MUC5B: variants seen among roughly 807,000 people sequenced by gnomAD.
The protein encoded by MUC5B is mucin 5B, oligomeric mucus/gel-forming.
Under a neutral mutation model 376.9 loss-of-function variants are expected in MUC5B, and 116 were observed. The observed-to-expected ratio is 0.31, with a 90% CI of 0.26 to 0.36. MUC5B has a LOEUF of 0.36. MUC5B is among the 10% of genes least tolerant of loss of function. The pLI, the probability that MUC5B is intolerant of heterozygous loss-of-function variation, is 1.00. For missense variants in MUC5B, 7,165 were observed against 7,769.9 expected (o/e 0.92, Z 2.93); for synonymous variants, 3,517 against 3,390.9 (o/e 1.04, Z -1.29).
chr11:1,225,514 G>A (rs552716395), intron 1 of MUC5B, among the ~76,000 whole-genome samples, 167 bp from the exon 2 acceptor site: 1 of 152,318 alleles, frequency 6.6e-6, no homozygotes, highest in East Asian at 1.9e-4. Context: ...GAGGAGTCCC[G>A]GCCTTGGCCA....
chr11:1,231,407 C>A lies in MUC5B; in HGVS notation c.1541-16C>A. ...CCCTGCACCCCTGACCGGCCTCTCC[C>A]CCACACTCCCGGCAGCCAACATCAC... is the stretch of plus-strand genomic sequence containing the variant. On this transcript the variant is annotated splice_polypyrimidine_tract_variant and intron_variant, in intron 13 of 48. Transcript: ENST00000529681. The A allele has an allele frequency of 6.2e-7, 1 of 1,603,088 alleles. No homozygotes were observed. Among genetic ancestry groups the A allele is most frequent in the South Asian group, 1.1e-5 (1 of 89,790 alleles).
In MUC5B at chr11:1,248,530, G is replaced by T; in HGVS notation, c.11650G>T (p.Ala3884Ser). 1 of 1,612,794 alleles carries T rather than the reference G, an allele frequency of 6.2e-7. No homozygotes were observed. The highest frequency in any genetic ancestry group is 1.1e-5 in the South Asian group (1 of 91,014). The change falls in exon 31 of 49, where the codon GCA (alanine) becomes TCA (serine). Residue 3884 changes from alanine to serine, a missense_variant. Ala to Ser is a moderately conservative substitution (Grantham distance 99, BLOSUM62 1). Transcript: ENST00000529681. Reference sequence around the variant, plus strand: ...CACCCCCTCCTCCAGCCCAGGGACGGCACGCACGCCTCCAGTGTGGATCAG... The same window carrying T: ...CACCCCCTCCTCCAGCCCAGGGACGTCACGCACGCCTCCAGTGTGGATCAG... ...TVTPSSSPGT[A>S]RTPPVWISTT...
At position 1,245,090 on chromosome 11, in the gene MUC5B, C is replaced by T; in HGVS notation, c.8210C>T (p.Ser2737Phe). ...ACCAGCAGCACAGTGACTCCCTCCT[C>T]TGCCCTAGGGACCACCCACACACCC... is the stretch of plus-strand genomic sequence containing the variant. ...AATSSTVTPS[S>F]ALGTTHTPPV... is the part of the protein sequence containing the mutation. Residue 2737 changes from serine to phenylalanine, a missense_variant, in exon 31 of 49, where the codon TCT (serine) becomes TTT (phenylalanine). Coordinates refer to ENST00000529681, the MANE Select transcript of MUC5B (RefSeq NM_002458.3). 2 of 1,542,374 alleles carry T rather than the reference C, an allele frequency of 1.3e-6. No homozygotes were observed. The highest frequency in any genetic ancestry group is 1.8e-6 in the Non-Finnish European group (2 of 1,142,474).
Position 1,257,967 on chromosome 11 carries a change from C to A in MUC5B, c.16451-132C>A. On this transcript the variant is annotated intron_variant, in intron 41 of 48. Coordinates refer to ENST00000529681, the MANE Select transcript of MUC5B (RefSeq NM_002458.3). This position sits in a 1 kb window ranked among gnomAD's most constrained non-coding sequence, Gnocchi z 8.9. Reference sequence around the variant, plus strand: ...GCGGGGAGGTGGCCAAGCAAGGGGCCTGGAGGGAGCCCCCAGGGGCTGTGA... The same window carrying A: ...GCGGGGAGGTGGCCAAGCAAGGGGCATGGAGGGAGCCCCCAGGGGCTGTGA... The A allele has an allele frequency of 9.8e-7, 1 of 1,023,808 alleles. No individual in the cohort carries two copies. Among genetic ancestry groups the A allele is most frequent in the Non-Finnish European group, 1.4e-6 (1 of 695,958 alleles). The allele number at this position is 1,023,808 out of a possible 1,614,324, so 63.4% of individuals were successfully genotyped here.
At position 1,242,539 on chromosome 11, in the gene MUC5B, A is replaced by G; in HGVS notation, c.5659A>G (p.Ser1887Gly). ...CTGTGACGACTACAGCCACTGCCCC[A>G]GTACCCCAGCCACCAGCTCCACGGC... ...LCCDDYSHCP[S>G]TPATSSTATP... The change falls in exon 31 of 49, where the codon AGT (serine) becomes GGT (glycine). Residue 1887 changes from serine to glycine, a missense_variant. Transcript: ENST00000529681. 1.2e-6 allele frequency: 2 copies of G among 1,613,804 alleles called. No individual in the cohort carries two copies. Among genetic ancestry groups the G allele is most frequent in the South Asian group, 1.1e-5 (1 of 91,084 alleles).
In MUC5B at chr11:1,251,409, G is replaced by A; in HGVS notation, c.14529G>A (p.Gly4843=). The A allele has an allele frequency of 1.2e-6, 2 of 1,612,562 alleles. No homozygotes were observed. The highest frequency in any genetic ancestry group is 1.3e-5 in the African/African-American group (1 of 74,952). The change falls in exon 31 of 49, where the codon GGG becomes GGA. Residue 4843 remains glycine, a synonymous_variant. Coordinates refer to ENST00000529681, the MANE Select transcript of MUC5B (RefSeq NM_002458.3). ...CGGCCACCCTGTCCTCCACCCCAGG[G>A]ACCACCTGGATCCTCACAGAGCCGA... is the stretch of plus-strand genomic sequence containing the variant. The part of the protein sequence containing the change: ...GSTATLSSTP[G]TTWILTEPST...
At chr11:1,237,554 G>A (rs892597098) in intron 25 of MUC5B, among the ~76,000 whole-genome samples, 3 of 152,188 alleles carry the variant, frequency 2.0e-5, no homozygotes, top group African/African-American at 7.2e-5. Flanking sequence ...TCAGAGATCT[G>A]CCCTAAGCAG....
rs1861885575 is a variant in MUC5B, at chr11:1,226,549, G to A, written c.200-66G>A. 11 of 1,536,528 alleles carry A rather than the reference G, an allele frequency of 7.2e-6. 1 individual carries two copies. The highest frequency in any genetic ancestry group is 3.4e-4 in the Middle Eastern group (2 of 5,798). ...TCCATTCCAAAAACCAGGGTGCCTC[G>A]GCCCAGGGGAGGCTACCCCGTGGGG... is the stretch of plus-strand genomic sequence containing the variant. On this transcript the variant is annotated intron_variant, in intron 3 of 48. Coordinates refer to ENST00000529681, the MANE Select transcript of MUC5B (RefSeq NM_002458.3).
intron 1 of MUC5B, among the ~76,000 whole-genome samples, chr11:1,224,738 G>T (rs891753811): frequency 2.6e-4 from 39 of 152,268 alleles, no homozygotes; most frequent in Admixed American, 1.2e-3. Flanking sequence ...TGGATCTCTG[G>T]AGGCGGCCCC....
Position 1,256,726 on chromosome 11 carries a change from C to A in MUC5B, c.16192C>A (p.Gln5398Lys). The A allele has an allele frequency of 6.4e-7, 1 of 1,560,156 alleles. No homozygotes were observed. The highest frequency in any genetic ancestry group is 8.7e-7 in the Non-Finnish European group (1 of 1,154,826). ...MAEGCFCPED[Q>K]ILFNAHMGIC... The stretch of plus-strand genomic sequence containing the variant: ...GGAGGGCTGCTTCTGCCCTGAGGAC[C>A]AGATCCTCTTCAACGCACACATGGG... The change falls in exon 39 of 49, where the codon CAG becomes AAG. Residue 5398 changes from glutamine to lysine, a missense_variant. Physicochemically the swap from Gln to Lys is moderately conservative, Grantham distance 53. Coordinates refer to ENST00000529681, the MANE Select transcript of MUC5B (RefSeq NM_002458.3).
At position 1,242,296 on chromosome 11, in the gene MUC5B, G is replaced by A. The variant is rs750335595; in HGVS notation, c.5416G>A (p.Gly1806Arg). Residue 1806 changes from glycine (G) to arginine (R), a missense_variant, in exon 31 of 49, where the codon GGG (glycine) becomes AGG (arginine). Gly to Arg is a moderately radical substitution (Grantham distance 125). Coordinates refer to ENST00000529681, the MANE Select transcript of MUC5B (RefSeq NM_002458.3). ...CTTCCCAACCTCAGGGGTTGCAGGCGGGGACATGGAAACTTTTGAAAACAT... is the reference window on the plus strand; with the variant it reads ...CTTCCCAACCTCAGGGGTTGCAGGCAGGGACATGGAAACTTTTGAAAACAT... ...VDFPTSGVAGGDMETFENIRA... is the reference protein window; with the variant it reads ...VDFPTSGVAGRDMETFENIRA... The A allele has an allele frequency of 1.8e-5, 29 of 1,613,768 alleles. No homozygotes were observed. The highest frequency in any genetic ancestry group is 1.5e-4 in the Admixed American group (9 of 59,988).
At chr11:1,236,802 G>A in intron 24 of MUC5B, 123 bp from the exon 25 acceptor site, 1 of 1,280,940 alleles carries the variant, frequency 7.8e-7, no homozygotes, top group Non-Finnish European at 1.0e-6. Context: ...GGCACTGCCT[G>A]GGGAACCGGC....
chr11:1,234,567 G>C lies in MUC5B; in HGVS notation c.2517G>C (p.Pro839=). ...GCGTGTCCGGCTGTGTCTGTCCCCC[G>C]GGGCTGGTGTCGGATGGGAGTGGGG... ...THCVSGCVCP[P]GLVSDGSGGC... Residue 839 remains proline, a synonymous_variant, in exon 21 of 49, where the codon CCG becomes CCC. Coordinates refer to ENST00000529681, the MANE Select transcript of MUC5B (RefSeq NM_002458.3). The surrounding 1 kb of genome is among the most constrained non-coding windows in gnomAD (Gnocchi z 6.3). 1 of 1,581,730 alleles carries C rather than the reference G, an allele frequency of 6.3e-7. No individual in the cohort carries two copies. The highest frequency in any genetic ancestry group is 8.6e-7 in the Non-Finnish European group (1 of 1,164,682).
At position 1,253,090 on chromosome 11, in the gene MUC5B, G is replaced by T; in HGVS notation, c.15217+110G>T. The T allele has an allele frequency of 2.0e-5, 17 of 858,230 alleles. No homozygotes were observed. The highest frequency in any genetic ancestry group is 1.0e-4 in the East Asian group (2 of 19,524). The allele number at this position is 858,230 out of a possible 1,614,324, so 53.2% of individuals were successfully genotyped here. ...GTGGGGCACAGTGGGGTGCAGTGGG[G>T]AATGGTGGGGCATGGTGGGGCATGG... is the stretch of plus-strand genomic sequence containing the variant. On this transcript the variant is annotated intron_variant, in intron 33 of 48. Transcript: ENST00000529681. The surrounding 1 kb of genome is among the most constrained non-coding windows in gnomAD (Gnocchi z 4.3).
intron 4 of MUC5B, 26 bp downstream of exon 4, chr11:1,226,902 C>G: frequency 7.2e-7 from 1 of 1,394,418 alleles, no homozygotes; most frequent in Non-Finnish European, 9.6e-7. Flanking sequence ...TGGGGAGGGG[C>G]GAGGGCCGGG....
chr11:1,259,680 A>T, intron 44 of MUC5B, 76 bp from the exon 45 acceptor site: 1 of 1,485,406 alleles, frequency 6.7e-7, no homozygotes, highest in Non-Finnish European at 9.4e-7. Flanking sequence ...ACTGGGGTGT[A>T]GACAGGAGGG....
Position 1,256,154 on chromosome 11 carries a change from A to T in MUC5B, c.16067-2A>T. On this transcript the variant is annotated splice_acceptor_variant, in intron 37 of 48. Transcript: ENST00000529681. LOFTEE classifies it high-confidence loss of function. ...TTGTCTGACACCTCTCTGTGCCCAC[A>T]GACCTCACCTGCCCACCCACCAAAG... The T allele has an allele frequency of 1.4e-6, 1 of 730,086 alleles. No individual in the cohort carries two copies. The highest frequency in any genetic ancestry group is 2.5e-6 in the Non-Finnish European group (1 of 393,118). The allele number at this position is 730,086 out of a possible 1,614,324, so 45.2% of individuals were successfully genotyped here.
chr11:1,249,865 T>A lies in MUC5B; in HGVS notation c.12985T>A (p.Ser4329Thr). The stretch of plus-strand genomic sequence containing the variant: ...TACCAGCGTTACACCCATCCCCTCC[T>A]CCACCCTTGGGACCACCGGGACCCT... ...TATSVTPIPS[S>T]TLGTTGTLPE... is the part of the protein sequence containing the mutation. Residue 4329 changes from serine to threonine, a missense_variant, in exon 31 of 49, where the codon TCC (serine) becomes ACC (threonine). Physicochemically the swap from Ser to Thr is moderately conservative, Grantham distance 58. Around this residue, in one of 31 missense-constraint regions of MUC5B, gnomAD observed 431 missense variants for 390.4 expected, o/e 1.10. Transcript: ENST00000529681. The A allele has an allele frequency of 1.2e-6, 2 of 1,611,870 alleles. No homozygotes were observed.
chr11:1,261,295 G>A (rs1862989141), intron 48 of MUC5B, 94 bp from the exon 49 acceptor site: 4 of 1,159,344 alleles, frequency 3.5e-6, no homozygotes, highest in Non-Finnish European at 4.9e-6. Context: ...GCGGCCGTCT[G>A]GCCCAGGACC....
Sources: allele counts gnomAD v4.1 joint callset (sites outside exome capture counted in the v4.1 genomes callset), GRCh38; gene constraint gnomAD v4.1.1; regional missense constraint gnomAD v4.1.1; non-coding constraint Gnocchi (gnomAD v3.1); transcripts MANE v1.5; gene names NCBI Gene and HGNC (gene_info 2026-07-23, HGNC 2026-07-21).